The following CSMD1 variants were observed in gnomAD, a reference collection of about 807,000 sequenced individuals.
CSMD1 encodes the protein CUB and Sushi multiple domains 1, also known as CUB and sushi domain-containing protein 1.
In CSMD1, 213 loss-of-function variants were observed where a neutral mutation model predicts 417.5. The ratio of observed to expected loss-of-function variants is 0.51; its 90% CI spans 0.46 to 0.57. The LOEUF is 0.57. Ranked by LOEUF, CSMD1 falls within the 20% of genes least tolerant of loss-of-function variation. The pLI is 0.00. For missense variants in CSMD1, 6,923 were observed against 4,529.7 expected, an observed-to-expected ratio of 1.53 and a Z score of -15.17; for synonymous variants, 2,862 against 1,736.8, an observed-to-expected ratio of 1.65 and a Z score of -16.11.
intron 3 of CSMD1, among the ~76,000 whole-genome samples, chr8:4,162,022 C>G (rs188172552): frequency 2.0e-5 from 3 of 152,106 alleles, no homozygotes; most frequent in African/African-American, 7.2e-5. Flanking sequence ...TATTTGCCTT[C>G]GACTTTGCTA....
chr8:4,521,156 T>A (rs192353900), intron 2 of CSMD1, among the ~76,000 whole-genome samples: 8 of 152,148 alleles, frequency 5.3e-5, no homozygotes, highest in Admixed American at 1.3e-4. Context: ...AACAGTGACT[T>A]ACAAAAAGAA....
At chr8:4,621,502 G>C (rs1298545882) in intron 2 of CSMD1, among the ~76,000 whole-genome samples, 1 of 152,078 alleles carries the variant, frequency 6.6e-6, no homozygotes, top group Non-Finnish European at 1.5e-5. Context: ...ATTGACACCA[G>C]AAGAAAGAGA....
chr8:4,972,019 G>A (rs941463286), intron 1 of CSMD1, among the ~76,000 whole-genome samples: 1 of 151,944 alleles, frequency 6.6e-6, no homozygotes, highest in Non-Finnish European at 1.5e-5. Flanking sequence ...AACAATTGAA[G>A]AAAGTCTTAA....
chr8:4,805,343 G>A lies in CSMD1; in HGVS notation c.86-167785C>T, dbSNP rs573528211. Among the ~76,000 whole-genome samples the A allele has an allele frequency of 6.6e-5, 10 of 152,272 alleles. No individual in the cohort carries two copies. In the South Asian group the frequency reaches 1.7e-3, roughly 25 times the overall value. On this transcript the variant is annotated intron_variant, in intron 1 of 69. Coordinates refer to ENST00000635120, the MANE Select transcript of CSMD1 (RefSeq NM_033225.6). ...CACTTCAATATCCTCTGAAAATTGT[G>A]AAGCACTCTGCCAATTCGTGGTCTT...
chr8:3,178,870 T>C (rs1345185566), intron 37 of CSMD1, among the ~76,000 whole-genome samples: 1 of 152,172 alleles, frequency 6.6e-6, no homozygotes, highest in South Asian at 2.1e-4. Context: ...TTTGGCGATT[T>C]ACATCAACAG....
rs990376004 is a variant in CSMD1, at chr8:2,936,361, G to C, written c.*2224C>G. ...ACCTAGTTTGAATGACTCAAACTTAGATATGTACAATATATATATATATAT... is the reference window on the plus strand; with the variant it reads ...ACCTAGTTTGAATGACTCAAACTTACATATGTACAATATATATATATATAT... On this transcript the variant is annotated 3_prime_UTR_variant, in exon 70 of 70. Coordinates refer to ENST00000635120, the MANE Select transcript of CSMD1 (RefSeq NM_033225.6). The C allele has an allele frequency of 7.3e-6, 1 of 136,218 alleles. No homozygotes were observed. The allele number at this position is 136,218 out of a possible 1,614,324, so 8.4% of individuals were successfully genotyped here. A position where few individuals can be genotyped will look rare whatever the true frequency, so the allele number is the denominator to read the frequency against.
At chr8:4,756,153 A>C (rs1051965173) in intron 1 of CSMD1, among the ~76,000 whole-genome samples, 1 of 152,210 alleles carries the variant, frequency 6.6e-6, no homozygotes, top group African/African-American at 2.4e-5. Context: ...ATTAAACTTT[A>C]TGAATTCTAT....
At chr8:4,590,460 G>C (rs1799929987) in intron 2 of CSMD1, among the ~76,000 whole-genome samples, 1 of 152,090 alleles carries the variant, frequency 6.6e-6, no homozygotes, top group African/African-American at 2.4e-5. Context: ...CATTAAGATT[G>C]TTCTGGTATG....
At chr8:4,498,384 T>C (rs1802084479) in intron 2 of CSMD1, among the ~76,000 whole-genome samples, 1 of 152,190 alleles carries the variant, frequency 6.6e-6, no homozygotes, top group South Asian at 2.1e-4. Context: ...CATGTGCATA[T>C]TTTTGTATAT....
In CSMD1 at chr8:4,897,629, G is replaced by A. The variant is rs542150966; in HGVS notation, c.85+96703C>T. Among the ~76,000 whole-genome samples the A allele has an allele frequency of 6.8e-4, 104 of 152,072 alleles. 1 individual carries two copies. In the Middle Eastern group the frequency reaches 0.01, roughly 15 times the overall value. ...TTCAAAACTCATTATTTGTCATTAC[G>A]TTAATGTCCAATAATATGATATTAT... On this transcript the variant is annotated intron_variant, in intron 1 of 69. Transcript: ENST00000635120.
chr8:4,644,036 A>G (rs948939745), intron 1 of CSMD1, among the ~76,000 whole-genome samples: 1 of 152,198 alleles, frequency 6.6e-6, no homozygotes, highest in Admixed American at 6.5e-5. Context: ...AGCAAAGAAG[A>G]AAAGTAAAAA....
chr8:3,231,339 ACT>A (rs1196326318), intron 26 of CSMD1, among the ~76,000 whole-genome samples: 4 of 152,144 alleles, frequency 2.6e-5, no homozygotes, highest in Non-Finnish European at 5.9e-5. Flanking sequence ...AAAGTACTTC[ACT>A]GTTTTCAACA....
chr8:3,824,473 C>G (rs7812367), intron 5 of CSMD1, among the ~76,000 whole-genome samples: 13 of 152,034 alleles, frequency 8.6e-5, no homozygotes, highest in African/African-American at 2.9e-4. Context: ...CCCTAAGTGC[C>G]GTACCTCATA....
At chr8:4,988,777 G>C (rs1811311632) in intron 1 of CSMD1, among the ~76,000 whole-genome samples, 1 of 152,202 alleles carries the variant, frequency 6.6e-6, no homozygotes, top group African/African-American at 2.4e-5. Context: ...ACTGAGCTCA[G>C]AAAAGAGAAC....
At chr8:4,106,413 C>T (rs1585325023) in intron 3 of CSMD1, among the ~76,000 whole-genome samples, 1 of 152,228 alleles carries the variant, frequency 6.6e-6, no homozygotes, top group South Asian at 2.1e-4. Flanking sequence ...TTATACAAGT[C>T]ATTTCCATAT....
chr8:3,034,968 G>C (rs2128979876), intron 50 of CSMD1, among the ~76,000 whole-genome samples: 1 of 152,306 alleles, frequency 6.6e-6, no homozygotes, highest in Non-Finnish European at 1.5e-5. Flanking sequence ...TTTCTACTGA[G>C]CTCTCATTTC....
intron 1 of CSMD1, among the ~76,000 whole-genome samples, chr8:4,703,072 A>G (rs1219821932): frequency 3.9e-5 from 6 of 152,256 alleles, no homozygotes; most frequent in African/African-American, 1.4e-4. Flanking sequence ...AAATTATTTT[A>G]TACCATACAT....
intron 1 of CSMD1, among the ~76,000 whole-genome samples, chr8:4,758,815 C>A (rs1162505201): frequency 6.6e-6 from 1 of 152,120 alleles, no homozygotes; most frequent in East Asian, 1.9e-4. Flanking sequence ...CCCCCATAAT[C>A]CAACCACCTC....
At chr8:3,798,345 G>C (rs972795173) in intron 5 of CSMD1, among the ~76,000 whole-genome samples, 1 of 152,038 alleles carries the variant, frequency 6.6e-6, no homozygotes. Flanking sequence ...TCTGATGGCA[G>C]TAAGTCACTC....
Sources: allele counts gnomAD v4.1 joint callset (sites outside exome capture counted in the v4.1 genomes callset), GRCh38; gene constraint gnomAD v4.1.1; transcripts MANE v1.5; gene names NCBI Gene and HGNC (gene_info 2026-07-23, HGNC 2026-07-21).